MTRF1: variants seen among roughly 807,000 people sequenced by gnomAD.
The protein encoded by MTRF1 is mitochondrial translation release factor 1.
In MTRF1, 51 loss-of-function variants were observed where a neutral mutation model predicts 62.9. The ratio of observed to expected loss-of-function variants is 0.81; its 90% CI spans 0.65 to 1.02. The LOEUF is 1.02. MTRF1 is among the 50% of genes least tolerant of loss of function. MTRF1 has a pLI of 0.00. For synonymous variants in MTRF1, 158 were observed against 181.9 expected, an observed-to-expected ratio of 0.87 and a Z score of 1.06; for missense variants, 446 against 530.0, an observed-to-expected ratio of 0.84 and a Z score of 1.56.
Position 41,254,538 on chromosome 13 carries a change from C to A in MTRF1, c.498G>T (p.Leu166Phe), listed in dbSNP as rs1301952124. The A allele has an allele frequency of 1.2e-6, 2 of 1,613,014 alleles. No individual in the cohort carries two copies. The highest frequency in any genetic ancestry group is 2.2e-5 in the South Asian group (2 of 91,008). The change falls in exon 3 of 10, where the codon TTG becomes TTT. Residue 166 changes from leucine (L) to phenylalanine (F), a missense_variant. By Grantham distance (22) the Leu-to-Phe change is conservative. Transcript: ENST00000379480. ...ACCTCTGAAAACCTACCTCATTGTA[C>A]AACATGTTGATTTTTTGATCAATGG... The part of the protein sequence containing the change: ...RQTIDQKINM[L>F]YNELFQSLVP...
the MTRF1 span, chr13:41,311,461 C>G: frequency 6.7e-7 from 1 of 1,482,098 alleles, no homozygotes; most frequent in Admixed American, 2.0e-5. Context: ...CCGGTGCCCA[C>G]CCCCGCGAAG....
the MTRF1 span, among the ~76,000 whole-genome samples, chr13:41,283,729 A>G: frequency 6.7e-5 from 10 of 149,078 alleles, no homozygotes; most frequent in African/African-American, 2.5e-4. Context: ...AGCTGGGACC[A>G]CAGGCGCCCG....
At chr13:41,250,349 T>G (rs755449404) in intron 5 of MTRF1, among the ~76,000 whole-genome samples, 4 of 152,214 alleles carry the variant, frequency 2.6e-5, no homozygotes, top group Non-Finnish European at 4.4e-5. Flanking sequence ...CAAAGCTTGT[T>G]GCCCTGAATG....
chr13:41,253,746 T>G (rs951035802), intron 3 of MTRF1, among the ~76,000 whole-genome samples: 1 of 152,232 alleles, frequency 6.6e-6, no homozygotes, highest in African/African-American at 2.4e-5. Context: ...GGAGAGAATA[T>G]GAGACAGACT....
At position 41,255,632 on chromosome 13, in the gene MTRF1, C is replaced by T. The variant is rs537526581; in HGVS notation, c.416-1012G>A. Among the ~76,000 whole-genome samples, 7 of 152,212 alleles carry T rather than the reference C, an allele frequency of 4.6e-5. No homozygotes were observed. In the East Asian group the frequency reaches 9.7e-4, roughly 21 times the overall value. ...GCTTGAACCCAGGAGGTAGAGGTTG[C>T]GGTGAGCCAAGGTCATGCCACTGCA... On this transcript the variant is annotated intron_variant, in intron 2 of 9. Transcript: ENST00000379480.
At chr13:41,222,936 T>C (rs577996249) in intron 9 of MTRF1, among the ~76,000 whole-genome samples, 27 of 152,340 alleles carry the variant, frequency 1.8e-4, no homozygotes, top group Non-Finnish European at 2.2e-4. Flanking sequence ...TAAGTTGCTA[T>C]ATTCGTGGTA....
intron 8 of MTRF1, among the ~76,000 whole-genome samples, chr13:41,224,150 TA>T (rs1484661171): frequency 6.6e-6 from 1 of 152,222 alleles, no homozygotes; most frequent in Non-Finnish European, 1.5e-5. Flanking sequence ...ATCTCTGCTA[TA>T]AAACATCATC....
intron 9 of MTRF1, among the ~76,000 whole-genome samples, chr13:41,219,998 CAAA>C (rs71086550): frequency 8.0e-4 from 56 of 70,378 alleles, no homozygotes; most frequent in African/African-American, 3.1e-3. Flanking sequence ...ACCTCTGTCT[CAAA>C]AAAAAAAAAA....
intron 5 of MTRF1, among the ~76,000 whole-genome samples, chr13:41,244,067 A>C (rs551191377): frequency 2.0e-5 from 3 of 152,234 alleles, no homozygotes; most frequent in South Asian, 2.1e-4. Flanking sequence ...TTATTTTGCT[A>C]TCTCTCATTT....
intron 1 of MTRF1, chr13:41,262,338 CAAAAAAAAAA>C (rs71200170): frequency 1.0e-5 from 1 of 100,432 alleles, no homozygotes; most frequent in South Asian, 3.3e-4. Flanking sequence ...CACGCTGTCT[CAAAAAAAAAA>C]AAAAAAAAAG....
intron 7 of MTRF1, among the ~76,000 whole-genome samples, chr13:41,232,077 A>AG (rs1386555497): frequency 6.6e-6 from 1 of 152,104 alleles, no homozygotes; most frequent in Non-Finnish European, 1.5e-5. Context: ...TGTCTCAAAA[A>AG]GAAAAAAAAG....
chr13:41,263,337 GA>G (rs1486924663), intron 1 of MTRF1, 147 bp downstream of exon 1: 13 of 1,288,124 alleles, frequency 1.0e-5, no homozygotes, highest in African/African-American at 1.5e-5. Flanking sequence ...ATGCTTTGGG[GA>G]AAGTTCTGAG....
the MTRF1 span, among the ~76,000 whole-genome samples, chr13:41,300,755 TA>T: frequency 6.6e-6 from 1 of 152,188 alleles, no homozygotes; most frequent in Non-Finnish European, 1.5e-5. Flanking sequence ...AGGCAATTCC[TA>T]AATTGTTTAC....
intron 8 of MTRF1, among the ~76,000 whole-genome samples, chr13:41,224,377 T>C (rs1224539390): frequency 5.3e-5 from 8 of 152,216 alleles, no homozygotes; most frequent in Non-Finnish European, 1.2e-4. Context: ...CCTGTGTCAA[T>C]TGCTGTCACT....
the MTRF1 span, among the ~76,000 whole-genome samples, chr13:41,295,240 AG>A: frequency 1.3e-3 from 192 of 152,284 alleles, 1 homozygote; most frequent in African/African-American, 4.4e-3. Context: ...GGTGTAGAAA[AG>A]CAATGTTTTC....
chr13:41,273,317 C>T, the MTRF1 span, among the ~76,000 whole-genome samples: 6 of 142,318 alleles, frequency 4.2e-5, no homozygotes, highest in South Asian at 2.3e-4. Flanking sequence ...CAGAGCGAGA[C>T]TCCGTCTCAA....
At chr13:41,230,014 T>G (rs191863422) in intron 7 of MTRF1, among the ~76,000 whole-genome samples, 430 of 151,592 alleles carry the variant, frequency 2.8e-3, no homozygotes, top group African/African-American at 9.9e-3. Context: ...TGCAGGAGAA[T>G]AGCTTGAACA....
intron 6 of MTRF1, among the ~76,000 whole-genome samples, chr13:41,239,254 T>C (rs1002936399): frequency 9.2e-5 from 14 of 152,012 alleles, no homozygotes; most frequent in African/African-American, 1.7e-4. Context: ...GATAAATAAA[T>C]AGCTATTAAA....
chr13:41,261,047 C>T, intron 1 of MTRF1, 132 bp from the exon 2 acceptor site: 1 of 917,358 alleles, frequency 1.1e-6, no homozygotes, highest in Non-Finnish European at 1.6e-6. Context: ...TAAAATTCAA[C>T]TGCCGGCTGG....
Sources: gnomAD v4.1 joint callset for allele counts (sites outside exome capture counted in the v4.1 genomes callset) on GRCh38, gnomAD v4.1.1 for gene constraint, MANE v1.5 for transcripts, NCBI Gene and HGNC (gene_info 2026-07-23, HGNC 2026-07-21) for gene names.